The following PPARGC1A variants were observed in gnomAD, a reference collection of about 807,000 sequenced individuals.
The protein encoded by PPARGC1A is PPARG coactivator 1 alpha.
A neutral mutation model predicts 88.7 loss-of-function variants in PPARGC1A; 25 were observed. The ratio of observed to expected loss-of-function variants is 0.28; its 90% CI spans 0.21 to 0.39. PPARGC1A has a LOEUF of 0.39. Ranked by LOEUF, PPARGC1A falls within the 10% of genes least tolerant of loss-of-function variation. PPARGC1A has a pLI of 1.00. For synonymous variants in PPARGC1A, 363 were observed against 355.6 expected, an observed-to-expected ratio of 1.02 and a Z score of -0.24; for missense variants, 880 against 968.7, an observed-to-expected ratio of 0.91 and a Z score of 1.22.
chr4:24,031,300 T>C, the PPARGC1A span, among the ~76,000 whole-genome samples: 10 of 152,198 alleles, frequency 6.6e-5, no homozygotes, highest in Non-Finnish European at 1.5e-4. Flanking sequence ...GGCCCCTTAA[T>C]AGATGAGTTG....
the PPARGC1A span, among the ~76,000 whole-genome samples, chr4:24,131,637 A>G: frequency 1.3e-5 from 2 of 152,244 alleles, no homozygotes; most frequent in South Asian, 2.1e-4. Flanking sequence ...CCCTTCTGCA[A>G]TTTATGTAAT....
the PPARGC1A span, among the ~76,000 whole-genome samples, chr4:24,424,258 C>CACT: frequency 6.8e-5 from 3 of 44,316 alleles, no homozygotes; most frequent in East Asian, 1.9e-3. Context: ...TATACACACA[C>CACT]TTTTTTTTTT....
the PPARGC1A span, among the ~76,000 whole-genome samples, chr4:24,341,561 T>G: frequency 6.6e-5 from 10 of 152,264 alleles, no homozygotes; most frequent in East Asian, 1.7e-3. Flanking sequence ...TTAAGGATAC[T>G]TTAAGAAAAG....
the PPARGC1A span, among the ~76,000 whole-genome samples, chr4:24,251,325 G>A: frequency 6.6e-6 from 1 of 152,146 alleles, no homozygotes; most frequent in African/African-American, 2.4e-5. Context: ...TCACTATGAA[G>A]ATTACATTAG....
intron 2 of PPARGC1A, among the ~76,000 whole-genome samples, chr4:23,856,099 T>C (rs1316629339): frequency 3.3e-5 from 5 of 152,220 alleles, no homozygotes; most frequent in Non-Finnish European, 7.3e-5. Flanking sequence ...GTTGCAATAG[T>C]TATAATACAA....
the PPARGC1A span, among the ~76,000 whole-genome samples, chr4:24,242,664 C>A: frequency 6.6e-6 from 1 of 152,182 alleles, no homozygotes; most frequent in Non-Finnish European, 1.5e-5. Flanking sequence ...CTAAACAATT[C>A]TTAAAGTCTC....
intron 7 of PPARGC1A, among the ~76,000 whole-genome samples, chr4:23,817,043 C>G (rs1722113405): frequency 6.6e-6 from 1 of 152,148 alleles, no homozygotes; most frequent in Non-Finnish European, 1.5e-5. Flanking sequence ...AGAACCCCAG[C>G]CCTAGAGTGT....
chr4:23,868,364 A>G lies in PPARGC1A; in HGVS notation c.234+16388T>C, dbSNP rs149878641. On this transcript the variant is annotated intron_variant, in intron 2 of 12. Coordinates refer to ENST00000264867, the MANE Select transcript of PPARGC1A (RefSeq NM_013261.5). ...GTTTATAAACCATCTCTTGGAGAAC[A>G]TGTTCTCAGATCTTGGATATGTCTT... 2.0e-5 allele frequency among the ~76,000 whole-genome samples: 3 copies of G among 152,242 alleles called. 1 individual carries two copies. The highest frequency in any genetic ancestry group is 2.1e-4 in the South Asian group (1 of 4,820).
chr4:24,120,007 G>T, the PPARGC1A span, among the ~76,000 whole-genome samples: 1 of 152,170 alleles, frequency 6.6e-6, no homozygotes, highest in Non-Finnish European at 1.5e-5. Flanking sequence ...GTAGAGGAAG[G>T]CAGCTAAGGG....
intron 12 of PPARGC1A, among the ~76,000 whole-genome samples, chr4:23,797,163 C>T (rs548392058): frequency 1.4e-4 from 22 of 152,024 alleles, no homozygotes; most frequent in African/African-American, 2.9e-4. Context: ...GTAAGAGCAA[C>T]GAGAACAATT....
chr4:24,138,370 G>A, the PPARGC1A span, among the ~76,000 whole-genome samples: 3 of 152,112 alleles, frequency 2.0e-5, no homozygotes, highest in Non-Finnish European at 2.9e-5. Context: ...GAACCAAAGG[G>A]ACAATTGGAC....
At chr4:23,975,742 G>A in the PPARGC1A span, among the ~76,000 whole-genome samples, 1 of 152,256 alleles carries the variant, frequency 6.6e-6, no homozygotes, top group Admixed American at 6.5e-5. Context: ...ATTCTTAAGA[G>A]CATAACAATA....
the PPARGC1A span, among the ~76,000 whole-genome samples, chr4:24,081,628 C>T: frequency 6.6e-6 from 1 of 152,046 alleles, no homozygotes; most frequent in Non-Finnish European, 1.5e-5. Flanking sequence ...AAAATCATTA[C>T]ATAAAAGTTT....
the PPARGC1A span, among the ~76,000 whole-genome samples, chr4:24,389,655 G>T: frequency 2.0e-5 from 3 of 152,160 alleles, no homozygotes; most frequent in Non-Finnish European, 4.4e-5. Flanking sequence ...GAGGGAGGCT[G>T]GCTTTATGAC....
chr4:24,193,123 T>C, the PPARGC1A span, among the ~76,000 whole-genome samples: 12 of 152,248 alleles, frequency 7.9e-5, no homozygotes, highest in Non-Finnish European at 1.8e-4. Context: ...TTCTCACAAA[T>C]ATCAAACTAT....
the PPARGC1A span, among the ~76,000 whole-genome samples, chr4:23,959,417 C>A: frequency 6.6e-6 from 1 of 152,144 alleles, no homozygotes. Flanking sequence ...GTATGACATA[C>A]TCCTGAGTGC....
the PPARGC1A span, among the ~76,000 whole-genome samples, chr4:24,190,046 A>G: frequency 4.6e-5 from 7 of 152,192 alleles, no homozygotes; most frequent in African/African-American, 1.4e-4. Flanking sequence ...CCCAGGTAGC[A>G]TGATGCTGTG....
At chr4:24,145,961 T>C in the PPARGC1A span, among the ~76,000 whole-genome samples, 2 of 152,166 alleles carry the variant, frequency 1.3e-5, no homozygotes, top group Non-Finnish European at 2.9e-5. Context: ...CCCAGGAGTA[T>C]TTTCATACAT....
chr4:24,470,302 A>ACG, the PPARGC1A span, among the ~76,000 whole-genome samples: 2 of 146,440 alleles, frequency 1.4e-5, no homozygotes, highest in African/African-American at 5.2e-5. The surrounding 1 kb of genome is among the most constrained non-coding windows in gnomAD (Gnocchi z 5.8). Flanking sequence ...ACACACACAC[A>ACG]CACACACACA....
Sources: gnomAD v4.1 joint callset for allele counts (sites outside exome capture counted in the v4.1 genomes callset) on GRCh38, gnomAD v4.1.1 for gene constraint, Gnocchi (gnomAD v3.1) non-coding constraint, MANE v1.5 for transcripts, NCBI Gene and HGNC (gene_info 2026-07-23, HGNC 2026-07-21) for gene names.